The following CDH23 variants were observed in gnomAD, a reference collection of about 807,000 sequenced individuals.
CDH23 encodes cadherin related 23, also known as cadherin-23.
Under a neutral mutation model 317.1 loss-of-function variants are expected in CDH23, and 189 were observed. That is an observed-to-expected ratio of 0.60 (90% CI 0.53 to 0.67). The LOEUF (loss-of-function observed/expected upper bound fraction) is 0.67, where lower values mean the gene tolerates loss of function less well. Ranked by LOEUF, CDH23 falls within the 30% of genes least tolerant of loss-of-function variation. The pLI is 0.00. For synonymous variants in CDH23, 1,839 were observed against 1,876.8 expected (o/e 0.98, Z 0.52); for missense variants, 4,401 against 4,592.4 (o/e 0.96, Z 1.20).
chr10:71,473,405 C>G (rs1851619756), intron 3 of CDH23, among the ~76,000 whole-genome samples: 1 of 152,200 alleles, frequency 6.6e-6, no homozygotes, highest in Non-Finnish European at 1.5e-5. Context: ...ATTTGCTGAT[C>G]ACCTACTGTG....
chr10:71,609,113 C>T (rs887086467), intron 9 of CDH23, among the ~76,000 whole-genome samples: 6 of 151,924 alleles, frequency 3.9e-5, no homozygotes, highest in Non-Finnish European at 7.4e-5. Context: ...GCAGGAGGGG[C>T]GATGCTGCAG....
At chr10:71,570,672 G>C in intron 7 of CDH23, 118 bp from the exon 8 acceptor site, 1 of 1,129,830 alleles carries the variant, frequency 8.9e-7, no homozygotes. Context: ...GTGTGTGCGT[G>C]TGCATGTGTT....
chr10:71,701,905 C>T, intron 22 of CDH23, 117 bp from the exon 23 acceptor site: 1 of 1,102,488 alleles, frequency 9.1e-7, no homozygotes, highest in East Asian at 2.6e-5. Context: ...ACTTCCTGGG[C>T]CAGAGCCAGG....
rs115281855 is a variant in CDH23, at chr10:71,645,582, A to G, written c.1141-249A>G. 6.7e-3 allele frequency: 4,619 copies of G among 689,806 alleles called. 151 individuals are homozygous for G. The African/African-American group carries it at 0.071, about 11-fold the overall frequency. The allele number at this position is 689,806 out of a possible 1,614,324, so 42.7% of individuals were successfully genotyped here. A position where few individuals can be genotyped will look rare whatever the true frequency, so the allele number is the denominator to read the frequency against. On this transcript the variant is annotated intron_variant, in intron 12 of 69. Coordinates refer to ENST00000224721, the MANE Select transcript of CDH23 (RefSeq NM_022124.6). ...GTGAACCAAACCACCTGAAGGGGAC[A>G]CTGTGGGCATCCGACAGCACAAGGA... is the stretch of plus-strand genomic sequence containing the variant.
At chr10:71,403,184 A>G (rs1847866109) in intron 1 of CDH23, among the ~76,000 whole-genome samples, 1 of 152,032 alleles carries the variant, frequency 6.6e-6, no homozygotes. Flanking sequence ...CTGTATAAAC[A>G]TCTAGACTTC....
intron 9 of CDH23, among the ~76,000 whole-genome samples, chr10:71,601,151 A>G (rs1860192735): frequency 6.6e-6 from 1 of 152,216 alleles, no homozygotes; most frequent in African/African-American, 2.4e-5. Flanking sequence ...GCCTGGCACA[A>G]TCTGCATCCT....
At chr10:71,483,030 G>A (rs1852152889) in intron 3 of CDH23, among the ~76,000 whole-genome samples, 1 of 152,356 alleles carries the variant, frequency 6.6e-6, no homozygotes. Flanking sequence ...TTCAGCTGCA[G>A]TTTTGCAGAA....
At chr10:71,678,494 A>T (rs1467562517) in intron 16 of CDH23, among the ~76,000 whole-genome samples, 1 of 152,156 alleles carries the variant, frequency 6.6e-6, no homozygotes, top group Non-Finnish European at 1.5e-5. Flanking sequence ...AAGGGATGGG[A>T]CCCAGAGCCT....
At chr10:71,687,968 C>T (rs1441492885) in intron 19 of CDH23, among the ~76,000 whole-genome samples, 1 of 152,214 alleles carries the variant, frequency 6.6e-6, no homozygotes, top group Non-Finnish European at 1.5e-5. Context: ...CTGCTCTCCT[C>T]TAACTATAGT....
intron 12 of CDH23, among the ~76,000 whole-genome samples, chr10:71,645,313 T>C (rs1258527252): frequency 6.6e-6 from 1 of 152,192 alleles, no homozygotes; most frequent in Non-Finnish European, 1.5e-5. Flanking sequence ...CCATTTCACA[T>C]GTCAGCAAAC....
intron 6 of CDH23, among the ~76,000 whole-genome samples, chr10:71,527,025 C>T (rs560101036): frequency 1.3e-5 from 2 of 152,314 alleles, no homozygotes; most frequent in East Asian, 3.9e-4. Flanking sequence ...TGGTGCTGGG[C>T]TCGTAGGGCA....
At chr10:71,466,999 T>C (rs1484244560) in intron 3 of CDH23, among the ~76,000 whole-genome samples, 1 of 152,108 alleles carries the variant, frequency 6.6e-6, no homozygotes, top group Non-Finnish European at 1.5e-5. Context: ...CCCACAGGGA[T>C]GGGTGTGCTC....
intron 19 of CDH23, among the ~76,000 whole-genome samples, chr10:71,688,976 G>C (rs868842183): frequency 4.6e-4 from 4 of 8,624 alleles, no homozygotes; most frequent in African/African-American, 1.1e-3. Context: ...TGGAGTCCAG[G>C]GGTGGTGGAG....
intron 30 of CDH23, among the ~76,000 whole-genome samples, chr10:71,727,347 C>T (rs145878021): frequency 6.6e-6 from 1 of 152,342 alleles, no homozygotes; most frequent in Non-Finnish European, 1.5e-5. Context: ...AAACCACTGC[C>T]TCATCCCCAC....
chr10:71,788,412 G>C (rs1399659320), intron 44 of CDH23, among the ~76,000 whole-genome samples: 2 of 151,980 alleles, frequency 1.3e-5, no homozygotes, highest in Non-Finnish European at 2.9e-5. Flanking sequence ...CCTCACTGTG[G>C]CTTATTGCAT....
chr10:71,607,785 C>T (rs563431353), intron 9 of CDH23, among the ~76,000 whole-genome samples: 1 of 152,262 alleles, frequency 6.6e-6, no homozygotes, highest in African/African-American at 2.4e-5. Flanking sequence ...CACCTGCAGT[C>T]CCAGCTACTA....
intron 1 of CDH23, among the ~76,000 whole-genome samples, chr10:71,409,054 G>T (rs1418608967): frequency 6.6e-6 from 1 of 152,186 alleles, no homozygotes; most frequent in Non-Finnish European, 1.5e-5. Context: ...TGCTGAACTG[G>T]ATATCAGGCC....
chr10:71,532,724 TTTG>T (rs1564636357), intron 6 of CDH23, among the ~76,000 whole-genome samples: 1 of 68,778 alleles, frequency 1.5e-5, no homozygotes. Flanking sequence ...TTTTTTTTTT[TTTG>T]TTTTTTTTTT....
rs1841489765 is a variant in CDH23, at chr10:71,799,222, A to G, written c.7166A>G (p.Tyr2389Cys). ...CCCCGGGCAGCTGAGATCCCTGTCT[A>G]CCTGGAAATCGTGGACATCAATGAC... Reference protein sequence around the residue: ...SPPRAAEIPVYLEIVDINDNN... With the variant: ...SPPRAAEIPVCLEIVDINDNN... Residue 2389 changes from tyrosine to cysteine, a missense_variant, in exon 51 of 70, where the codon TAC (tyrosine) becomes TGC (cysteine). Transcript: ENST00000224721. 6.2e-7 allele frequency: 1 copy of G among 1,613,938 alleles called. No homozygotes were observed. The highest frequency in any genetic ancestry group is 1.7e-5 in the Admixed American group (1 of 60,002).
Sources: allele counts gnomAD v4.1 joint callset (sites outside exome capture counted in the v4.1 genomes callset), GRCh38; gene constraint gnomAD v4.1.1; transcripts MANE v1.5; gene names NCBI Gene and HGNC (gene_info 2026-07-23, HGNC 2026-07-21).